The following AUTS2 variants were observed in gnomAD, a reference collection of about 807,000 sequenced individuals.
AUTS2 encodes activator of transcription and developmental regulator AUTS2, also known as autism susceptibility gene 2 protein.
AUTS2 carries 17 observed loss-of-function variants against 112.4 expected under a neutral mutation model. That is an observed-to-expected ratio of 0.15 (90% confidence interval 0.10 to 0.23). The LOEUF (loss-of-function observed/expected upper bound fraction) is 0.23. AUTS2 is among the 10% of genes least tolerant of loss of function. The pLI is 1.00. For synonymous variants in AUTS2, 751 were observed against 702.7 expected, an observed-to-expected ratio of 1.07 and a Z score of -1.09; for missense variants, 1,510 against 1,701.6, an observed-to-expected ratio of 0.89 and a Z score of 1.98.
chr7:70,448,741 A>G (rs957867588), intron 5 of AUTS2, among the ~76,000 whole-genome samples: 4 of 152,164 alleles, frequency 2.6e-5, no homozygotes, highest in Admixed American at 2.6e-4. Context: ...TCACCCCTTT[A>G]CTGGACGTCC....
Position 70,724,377 on chromosome 7 carries a change from A to C in AUTS2, c.742+25757A>C, listed in dbSNP as rs562739669. 5.3e-4 allele frequency among the ~76,000 whole-genome samples: 80 copies of C among 152,062 alleles called. 1 individual carries two copies. Among genetic ancestry groups the C allele is most frequent in the African/African-American group, 1.7e-3 (72 of 41,510 alleles). On this transcript the variant is annotated intron_variant, in intron 6 of 18. Coordinates refer to ENST00000342771, the MANE Select transcript of AUTS2 (RefSeq NM_015570.4). ...CTGTTTTATAGTAAGCTTATCAAAAATCAAGGCATAGTGAGAATTAAAACA... is the reference window on the plus strand; with the variant it reads ...CTGTTTTATAGTAAGCTTATCAAAACTCAAGGCATAGTGAGAATTAAAACA...
At chr7:70,705,902 C>G (rs1809712176) in intron 6 of AUTS2, among the ~76,000 whole-genome samples, 1 of 152,164 alleles carries the variant, frequency 6.6e-6, no homozygotes, top group African/African-American at 2.4e-5. Flanking sequence ...ATCCTATGTG[C>G]AGAATTTTCC....
chr7:69,729,419 AC>A (rs796181771), intron 1 of AUTS2, among the ~76,000 whole-genome samples: 5,463 of 60,410 alleles, frequency 0.09, 278 homozygotes, highest in African/African-American at 0.23. Flanking sequence ...GTCCCCCAAC[AC>A]CCCCCCCCCC....
rs548787254 is a variant in AUTS2 at position 70,507,618 on chromosome 7, G to A, written c.690+71837G>A. Among the ~76,000 whole-genome samples, 43 of 152,102 alleles carry A rather than the reference G, an allele frequency of 2.8e-4. 1 individual carries two copies. The highest frequency in any genetic ancestry group is 1.0e-3 in the African/African-American group (42 of 41,470). ...TCAAGACCAGCCTGACCAACATGGT[G>A]AAACCCTGTCTCTACTAAAAATACA... is the stretch of plus-strand genomic sequence containing the variant. On this transcript the variant is annotated intron_variant, in intron 5 of 18. Coordinates refer to ENST00000342771, the MANE Select transcript of AUTS2 (RefSeq NM_015570.4).
At chr7:70,164,946 T>A (rs549555561) in intron 4 of AUTS2, among the ~76,000 whole-genome samples, 175 of 152,272 alleles carry the variant, frequency 1.1e-3, no homozygotes, top group African/African-American at 3.7e-3. Context: ...CTATGATTAC[T>A]GTATTAAAAG....
chr7:69,764,385 T>C (rs1269519117), intron 1 of AUTS2, among the ~76,000 whole-genome samples: 2 of 152,060 alleles, frequency 1.3e-5, no homozygotes, highest in African/African-American at 4.8e-5. Flanking sequence ...AGTTTTTTTT[T>C]TTTTCTTTTT....
rs528277933 is a variant in AUTS2 at position 70,051,231 on chromosome 7, C to T, written c.523-66901C>T. Among the ~76,000 whole-genome samples, 238 of 152,230 alleles carry T rather than the reference C, an allele frequency of 1.6e-3. 1 individual carries two copies. Among genetic ancestry groups the T allele is most frequent in the African/African-American group, 4.8e-3 (201 of 41,524 alleles). On this transcript the variant is annotated intron_variant, in intron 2 of 18. Coordinates refer to ENST00000342771, the MANE Select transcript of AUTS2 (RefSeq NM_015570.4). Reference sequence around the variant, plus strand: ...CAAAGGTGCCAGCGTTTGATATTATCTTAAGGCCTAAACTGACCTTACGGT... The same window carrying T: ...CAAAGGTGCCAGCGTTTGATATTATTTTAAGGCCTAAACTGACCTTACGGT...
intron 2 of AUTS2, among the ~76,000 whole-genome samples, chr7:69,958,384 A>T (rs1009275892): frequency 3.9e-5 from 6 of 152,162 alleles, no homozygotes; most frequent in African/African-American, 1.4e-4. Context: ...AATATAAATC[A>T]GGACTTGCTT....
At chr7:70,503,516 AT>A (rs5884783) in intron 5 of AUTS2, among the ~76,000 whole-genome samples, 26,740 of 119,974 alleles carry the variant, frequency 0.22, 2,498 homozygotes, top group Middle Eastern at 0.3. Flanking sequence ...CTCCCGTCTC[AT>A]TTTTTTTTTT....
intron 1 of AUTS2, among the ~76,000 whole-genome samples, chr7:69,766,178 T>G (rs1584213110): frequency 6.6e-6 from 1 of 152,364 alleles, no homozygotes; most frequent in Middle Eastern, 3.4e-3. Context: ...ACTCTAAGTA[T>G]CTCATATAAC....
intron 4 of AUTS2, among the ~76,000 whole-genome samples, chr7:70,304,876 G>C (rs1789421182): frequency 1.3e-5 from 2 of 151,944 alleles, no homozygotes; most frequent in Non-Finnish European, 2.9e-5. Context: ...TTGGTTTGCT[G>C]ATTATAGCAG....
At chr7:69,623,509 G>A (rs1003386617) in intron 1 of AUTS2, among the ~76,000 whole-genome samples, 6 of 149,788 alleles carry the variant, frequency 4.0e-5, no homozygotes, top group African/African-American at 1.5e-4. Flanking sequence ...TGGGATTATG[G>A]GTGTGAGACA....
chr7:70,588,149 T>C (rs532337309), intron 5 of AUTS2, among the ~76,000 whole-genome samples: 1 of 152,328 alleles, frequency 6.6e-6, no homozygotes, highest in East Asian at 1.9e-4. Context: ...GAATGATATG[T>C]AGTGAGCACA....
Position 70,749,373 on chromosome 7 carries a change from C to T in AUTS2, c.743-13497C>T, listed in dbSNP as rs367898656. Among the ~76,000 whole-genome samples, 92 of 152,080 alleles carry T rather than the reference C, an allele frequency of 6.0e-4. 1 individual carries two copies. In the South Asian group the frequency reaches 8.1e-3, roughly 13 times the overall value. ...TGGGCGGCACGGGGAGGGGGGTCCG[C>T]GAATGTACCGTCCTAACAAGCTCCT... On this transcript the variant is annotated intron_variant, in intron 6 of 18. Coordinates refer to ENST00000342771, the MANE Select transcript of AUTS2 (RefSeq NM_015570.4).
intron 1 of AUTS2, among the ~76,000 whole-genome samples, chr7:69,795,057 A>G (rs1789780832): frequency 6.6e-6 from 1 of 152,218 alleles, no homozygotes; most frequent in Non-Finnish European, 1.5e-5. Flanking sequence ...TTTAAATTGA[A>G]GATAGTAACA....
At chr7:69,724,107 G>A (rs1192994940) in intron 1 of AUTS2, among the ~76,000 whole-genome samples, 2 of 152,122 alleles carry the variant, frequency 1.3e-5, no homozygotes, top group African/African-American at 4.8e-5. Context: ...AAAAATCACC[G>A]AACTGGGAGA....
At chr7:70,703,105 T>C (rs773033541) in intron 6 of AUTS2, among the ~76,000 whole-genome samples, 2 of 152,134 alleles carry the variant, frequency 1.3e-5, no homozygotes, top group Non-Finnish European at 2.9e-5. Flanking sequence ...CCATATGACC[T>C]TATTCTTTAG....
At chr7:70,635,022 C>T (rs1472880290) in intron 5 of AUTS2, among the ~76,000 whole-genome samples, 1 of 152,162 alleles carries the variant, frequency 6.6e-6, no homozygotes, top group Non-Finnish European at 1.5e-5. Context: ...GAGGGAGTCA[C>T]CACTTAGTGA....
At chr7:69,872,186 C>T (rs767198186) in intron 1 of AUTS2, among the ~76,000 whole-genome samples, 6 of 152,180 alleles carry the variant, frequency 3.9e-5, no homozygotes, top group Non-Finnish European at 7.3e-5. Context: ...CTGGCTCTGA[C>T]CTTAATAGAT....
Sources: allele counts gnomAD v4.1 joint callset (sites outside exome capture counted in the v4.1 genomes callset), GRCh38; gene constraint gnomAD v4.1.1; transcripts MANE v1.5; gene names NCBI Gene and HGNC (gene_info 2026-07-23, HGNC 2026-07-21).